TBC1D19: variants seen among roughly 807,000 people sequenced by gnomAD.
TBC1D19 encodes TBC1 domain family member 19, also known as TBC1 domain family, member 19.
In TBC1D19, 60 loss-of-function variants were observed where a neutral mutation model predicts 89.0. The observed-to-expected ratio is 0.67, with a 90% CI of 0.55 to 0.84. The LOEUF is 0.84. Ranked by LOEUF, TBC1D19 falls within the 40% of genes least tolerant of loss-of-function variation. TBC1D19 has a pLI of 0.00. For synonymous variants in TBC1D19, 189 were observed against 199.7 expected (o/e 0.95, Z 0.45); for missense variants, 500 against 610.8 (o/e 0.82, Z 1.91).
chr4:26,648,491 G>A (rs10470786), intron 7 of TBC1D19, among the ~76,000 whole-genome samples: 132,998 of 152,160 alleles, frequency 0.87, 60,787 homozygotes, highest in Non-Finnish European at 1. Context: ...CACTACCACA[G>A]GTCAGCTGTA....
At chr4:26,745,666 G>A (rs1262808744) in intron 18 of TBC1D19, among the ~76,000 whole-genome samples, 5 of 150,738 alleles carry the variant, frequency 3.3e-5, no homozygotes, top group East Asian at 1.9e-4. Flanking sequence ...GCCACCATGC[G>A]CAGCTAATTT....
rs573254402 is a variant in TBC1D19, at chr4:26,638,348, A to C, written c.370-423A>C. Among the ~76,000 whole-genome samples the C allele has an allele frequency of 3.9e-5, 6 of 152,134 alleles. No homozygotes were observed. The East Asian group carries it at 1.2e-3, about 29-fold the overall frequency. ...CATTTATATTAAAAACTGTCTAAAT[A>C]TGTAGTATTGTATAATATACTGCCT... On this transcript the variant is annotated intron_variant, in intron 5 of 20. Coordinates refer to ENST00000264866, the MANE Select transcript of TBC1D19 (RefSeq NM_018317.4).
chr4:26,590,796 GTTTTTTTTT>G (rs869124166), intron 1 of TBC1D19, among the ~76,000 whole-genome samples: 24 of 52,960 alleles, frequency 4.5e-4, no homozygotes, highest in Admixed American at 3.7e-3. Flanking sequence ...TTGCAGGTCT[GTTTTTTTTT>G]TTTTTTTTTT....
intron 16 of TBC1D19, among the ~76,000 whole-genome samples, chr4:26,738,507 T>C (rs1718169147): frequency 6.6e-6 from 1 of 151,912 alleles, no homozygotes; most frequent in African/African-American, 2.4e-5. Flanking sequence ...TGTAAATATA[T>C]GAAATATCCT....
intron 7 of TBC1D19, among the ~76,000 whole-genome samples, chr4:26,651,802 G>A (rs1015230626): frequency 1.3e-5 from 2 of 152,066 alleles, no homozygotes; most frequent in African/African-American, 4.8e-5. Context: ...GTTTTCAAAG[G>A]GAATTCTTCC....
At chr4:26,830,968 C>T in the TBC1D19 span, among the ~76,000 whole-genome samples, 2 of 152,052 alleles carry the variant, frequency 1.3e-5, no homozygotes, top group African/African-American at 4.8e-5. Flanking sequence ...TTGCAGATAC[C>T]CAAAAGGGTC....
In TBC1D19 at chr4:26,613,190, A is replaced by G; in HGVS notation, c.121A>G (p.Ile41Val). 6 of 1,576,726 alleles carry G rather than the reference A, an allele frequency of 3.8e-6. No individual in the cohort carries two copies. The highest frequency in any genetic ancestry group is 5.2e-6 in the Non-Finnish European group (6 of 1,158,290). Reference protein sequence around the residue: ...QAWASLQRPEIKLESLKEDIK... With the variant: ...QAWASLQRPEVKLESLKEDIK... ...TTAGGCCAGTCTTCAGAGACCTGAGATTAAACTTGAATCACTGAAAGAAGA... is the reference window on the plus strand; with the variant it reads ...TTAGGCCAGTCTTCAGAGACCTGAGGTTAAACTTGAATCACTGAAAGAAGA... Residue 41 changes from isoleucine (I) to valine (V), a missense_variant, in exon 2 of 21, where the codon ATT (isoleucine) becomes GTT (valine). Transcript: ENST00000264866.
chr4:26,809,047 A>G, the TBC1D19 span, among the ~76,000 whole-genome samples: 279 of 152,342 alleles, frequency 1.8e-3, 2 homozygotes, highest in African/African-American at 6.3e-3. Flanking sequence ...GTCAGTGAAA[A>G]GTGATTGTAA....
At position 26,666,408 on chromosome 4, in the gene TBC1D19, T is replaced by A. The variant is rs756868099; in HGVS notation, c.664+3T>A. 6 of 1,607,044 alleles carry A rather than the reference T, an allele frequency of 3.7e-6. No homozygotes were observed. Among genetic ancestry groups the A allele is most frequent in the Non-Finnish European group, 5.1e-6 (6 of 1,175,650 alleles). On this transcript the variant is annotated splice_donor_region_variant and intron_variant, in intron 9 of 20. Transcript: ENST00000264866. ...TGATTCTACACAAGTGCCTCCTGGT[T>A]AGTATTTTTCCAACGGCATATAATT...
chr4:26,610,628 G>T (rs958794257), intron 1 of TBC1D19, among the ~76,000 whole-genome samples: 2 of 151,704 alleles, frequency 1.3e-5, no homozygotes, highest in Admixed American at 6.6e-5. Context: ...GTAGGCCCTG[G>T]TGTCTATTGT....
chr4:26,621,793 A>T (rs1742065010), intron 4 of TBC1D19, among the ~76,000 whole-genome samples: 1 of 152,200 alleles, frequency 6.6e-6, no homozygotes, highest in Non-Finnish European at 1.5e-5. Context: ...AATAATACAT[A>T]TATGAAAGAA....
the TBC1D19 span, among the ~76,000 whole-genome samples, chr4:26,818,776 A>G: frequency 6.6e-6 from 1 of 152,200 alleles, no homozygotes; most frequent in Non-Finnish European, 1.5e-5. Context: ...CATTGAAAGT[A>G]CTGCATCTAG....
chr4:26,753,653 CA>C (rs988361333), intron 19 of TBC1D19, among the ~76,000 whole-genome samples, 166 bp from the exon 20 acceptor site: 1 of 152,156 alleles, frequency 6.6e-6, no homozygotes, highest in Non-Finnish European at 1.5e-5. Flanking sequence ...CTAGAGCAGA[CA>C]ATTTCCATTC....
intron 13 of TBC1D19, among the ~76,000 whole-genome samples, chr4:26,715,902 C>G (rs927122928): frequency 6.6e-6 from 1 of 152,050 alleles, no homozygotes; most frequent in East Asian, 1.9e-4. Context: ...AAGCCACTGT[C>G]AATAGTCTCC....
At position 26,684,209 on chromosome 4, in the gene TBC1D19, T is replaced by C. The variant is rs557709856; in HGVS notation, c.891+460T>C. ...TCTCAGGTTTTAAGGTAGAGACACA[T>C]TGAGTTTTTGCCTCCAAGCATCTGA... On this transcript the variant is annotated intron_variant, in intron 12 of 20. Coordinates refer to ENST00000264866, the MANE Select transcript of TBC1D19 (RefSeq NM_018317.4). Among the ~76,000 whole-genome samples the C allele has an allele frequency of 3.3e-5, 5 of 152,326 alleles. No homozygotes were observed. The South Asian group carries it at 1.0e-3, about 32-fold the overall frequency.
At chr4:26,660,950 A>G (rs962901559) in intron 8 of TBC1D19, among the ~76,000 whole-genome samples, 11 of 152,218 alleles carry the variant, frequency 7.2e-5, no homozygotes, top group African/African-American at 1.7e-4. Flanking sequence ...TTTCCTGACT[A>G]GACACTGACT....
intron 11 of TBC1D19, among the ~76,000 whole-genome samples, chr4:26,681,555 A>C (rs1713347328): frequency 6.6e-6 from 1 of 152,034 alleles, no homozygotes; most frequent in African/African-American, 2.4e-5. Flanking sequence ...CGTCTCAAAA[A>C]AAATATATAT....
chr4:26,693,833 T>G (rs933855774), intron 13 of TBC1D19, among the ~76,000 whole-genome samples: 1 of 152,072 alleles, frequency 6.6e-6, no homozygotes, highest in African/African-American at 2.4e-5. Flanking sequence ...AATGAAAATT[T>G]TACTGGAAGG....
At position 26,627,105 on chromosome 4, in the gene TBC1D19, G is replaced by A. The variant is rs1274301527; in HGVS notation, c.294+6417G>A. On this transcript the variant is annotated intron_variant, in intron 4 of 20. Transcript: ENST00000264866. The stretch of plus-strand genomic sequence containing the variant: ...CTTCCTGTGTCCATGTGTTCTCATT[G>A]TTCAATTCCCACCTATGAGTGAGAA... Among the ~76,000 whole-genome samples the A allele has an allele frequency of 4.6e-5, 7 of 151,052 alleles. No individual in the cohort carries two copies. The East Asian group carries it at 1.4e-3, about 30-fold the overall frequency.
Sources: gnomAD v4.1 joint callset for allele counts (sites outside exome capture counted in the v4.1 genomes callset) on GRCh38, gnomAD v4.1.1 for gene constraint, MANE v1.5 for transcripts, NCBI Gene and HGNC (gene_info 2026-07-23, HGNC 2026-07-21) for gene names.